B4GALNT3: variants seen among roughly 807,000 people sequenced by gnomAD.
B4GALNT3 encodes beta-1,4-N-acetyl-galactosaminyltransferase 3.
Under a neutral mutation model 120.2 loss-of-function variants are expected in B4GALNT3, and 86 were observed. That is an observed-to-expected ratio of 0.72 (90% CI 0.60 to 0.86). B4GALNT3 has a LOEUF of 0.86. B4GALNT3 is among the 40% of genes least tolerant of loss of function. The probability of loss-of-function intolerance (pLI) is 0.00; values close to 1 mark genes in which losing one functional copy is unlikely to be tolerated. For missense variants in B4GALNT3, 1,167 were observed against 1,298.9 expected (o/e 0.90, Z 1.56); for synonymous variants, 518 against 510.4 (o/e 1.01, Z -0.20).
At chr12:492,050 C>A (rs12369151) in intron 1 of B4GALNT3, among the ~76,000 whole-genome samples, 2 of 90,104 alleles carry the variant, frequency 2.2e-5, no homozygotes. Context: ...AGAACGAGAC[C>A]GTCTCAAAAA....
At chr12:503,529 G>A (rs1271601073) in intron 1 of B4GALNT3, among the ~76,000 whole-genome samples, 2 of 152,158 alleles carry the variant, frequency 1.3e-5, no homozygotes, top group African/African-American at 2.4e-5. Flanking sequence ...CACTGCTCAC[G>A]CCTCTTTGCT....
intron 16 of B4GALNT3, 80 bp downstream of exon 16, chr12:557,841 C>A: frequency 6.6e-7 from 1 of 1,518,754 alleles, no homozygotes; most frequent in Non-Finnish European, 8.9e-7. Flanking sequence ...CAGGGTAGAG[C>A]CAGGAGTCCT....
At chr12:468,988 C>G (rs950677775) in intron 1 of B4GALNT3, among the ~76,000 whole-genome samples, 1 of 152,196 alleles carries the variant, frequency 6.6e-6, no homozygotes, top group Non-Finnish European at 1.5e-5. Context: ...TGTATAAATG[C>G]TCAGGAAATT....
chr12:478,266 AAAAAAATT>A (rs1310265595), intron 1 of B4GALNT3, among the ~76,000 whole-genome samples: 2 of 106,654 alleles, frequency 1.9e-5, no homozygotes, highest in East Asian at 2.8e-4. Flanking sequence ...AAAAAAAAAA[AAAAAAATT>A]AGAGGAGGTA....
At chr12:465,091 G>A (rs536285651) in intron 1 of B4GALNT3, among the ~76,000 whole-genome samples, 7 of 152,314 alleles carry the variant, frequency 4.6e-5, no homozygotes, top group Admixed American at 6.5e-5. Context: ...CAGTGAAGCA[G>A]CAAGCACAAC....
chr12:559,197 A>C, intron 18 of B4GALNT3, 98 bp from the exon 19 acceptor site: 1 of 1,518,524 alleles, frequency 6.6e-7, no homozygotes. Flanking sequence ...CCAGCCTCTG[A>C]CTTTCAGAAG....
intron 1 of B4GALNT3, among the ~76,000 whole-genome samples, chr12:532,264 G>C (rs1190250922): frequency 6.6e-6 from 1 of 152,188 alleles, no homozygotes; most frequent in East Asian, 1.9e-4. Flanking sequence ...CTGTTACCCA[G>C]GGGCAAGACC....
At chr12:528,362 A>G (rs970669733) in intron 1 of B4GALNT3, among the ~76,000 whole-genome samples, 22 of 152,144 alleles carry the variant, frequency 1.4e-4, no homozygotes, top group African/African-American at 5.1e-4. Flanking sequence ...AGTAGCTGAG[A>G]TTACAGGTGT....
chr12:487,005 CA>C (rs1191231957), intron 1 of B4GALNT3, among the ~76,000 whole-genome samples: 2 of 152,010 alleles, frequency 1.3e-5, no homozygotes, highest in Non-Finnish European at 2.9e-5. Context: ...AAGAATGAAT[CA>C]AAAGAAACCC....
chr12:505,557 T>C (rs1946489447), intron 1 of B4GALNT3, among the ~76,000 whole-genome samples: 1 of 152,234 alleles, frequency 6.6e-6, no homozygotes, highest in Admixed American at 6.5e-5. Context: ...GAGATTTGCC[T>C]GGGGGAACAT....
chr12:521,574 G>C (rs1215246997), intron 1 of B4GALNT3, among the ~76,000 whole-genome samples: 1 of 152,284 alleles, frequency 6.6e-6, no homozygotes, highest in Admixed American at 6.5e-5. Flanking sequence ...GTGAAGGACC[G>C]TTCTTACCCG....
intron 1 of B4GALNT3, among the ~76,000 whole-genome samples, chr12:514,680 A>G (rs1158837576): frequency 6.6e-6 from 1 of 152,122 alleles, no homozygotes; most frequent in Non-Finnish European, 1.5e-5. Flanking sequence ...CTAGGAAACA[A>G]AAAAGGGTCC....
Position 478,053 on chromosome 12 carries a change from C to T in B4GALNT3, c.169+17508C>T, listed in dbSNP as rs552877666. Reference sequence around the variant, plus strand: ...TTGCTTGCACCTAGGAGTTTTAGAGCAGCCTGGGCAACATGGCAAGACCCC... The same window carrying T: ...TTGCTTGCACCTAGGAGTTTTAGAGTAGCCTGGGCAACATGGCAAGACCCC... On this transcript the variant is annotated intron_variant, in intron 1 of 19. Transcript: ENST00000266383. Among the ~76,000 whole-genome samples the T allele has an allele frequency of 2.1e-3, 316 of 152,120 alleles. 1 individual carries two copies. The highest frequency in any genetic ancestry group is 7.1e-3 in the African/African-American group (294 of 41,502).
At chr12:558,910 A>G (rs1342047566) in intron 18 of B4GALNT3, among the ~76,000 whole-genome samples, 1 of 150,798 alleles carries the variant, frequency 6.6e-6, no homozygotes, top group African/African-American at 2.4e-5. Context: ...TTCATCACAC[A>G]CTTACTAAGC....
chr12:532,615 A>T (rs1329100771), intron 1 of B4GALNT3, among the ~76,000 whole-genome samples: 6 of 151,978 alleles, frequency 3.9e-5, no homozygotes, highest in African/African-American at 1.2e-4. Flanking sequence ...GCTAAAGGCA[A>T]GGGTGGGAGA....
intron 1 of B4GALNT3, among the ~76,000 whole-genome samples, chr12:533,825 T>C (rs552955025): frequency 6.6e-6 from 1 of 152,310 alleles, no homozygotes; most frequent in Non-Finnish European, 1.5e-5. Context: ...CACACCTGCA[T>C]TTCAGCGTGC....
At chr12:476,091 G>A (rs537241206) in intron 1 of B4GALNT3, among the ~76,000 whole-genome samples, 4 of 152,238 alleles carry the variant, frequency 2.6e-5, no homozygotes, top group East Asian at 1.9e-4. Context: ...GTCAGACTAC[G>A]TGACTTTGAT....
intron 2 of B4GALNT3, 94 bp downstream of exon 2, chr12:535,363 C>G: frequency 1.9e-6 from 2 of 1,031,360 alleles, no homozygotes; most frequent in Non-Finnish European, 2.9e-6. Flanking sequence ...CTCTGCTACT[C>G]TGGGAGGAGA....
rs1432910380 is a variant in B4GALNT3, at chr12:514,207, T to G, written c.170-20959T>G. Among the ~76,000 whole-genome samples the G allele has an allele frequency of 4.0e-5, 6 of 150,962 alleles. No homozygotes were observed. In the East Asian group the frequency reaches 7.7e-4, roughly 19 times the overall value. On this transcript the variant is annotated intron_variant, in intron 1 of 19. Coordinates refer to ENST00000266383, the MANE Select transcript of B4GALNT3 (RefSeq NM_173593.4). ...GTTATTGTCCGTTTTTGTTTTTTTT[T>G]TTTTTTTTGAGACGGAGTCTCGCTC...
Sources: gnomAD v4.1 joint callset for allele counts (sites outside exome capture counted in the v4.1 genomes callset) on GRCh38, gnomAD v4.1.1 for gene constraint, MANE v1.5 for transcripts, NCBI Gene and HGNC (gene_info 2026-07-23, HGNC 2026-07-21) for gene names.